Variants in NODAL observed in about 807,000 individuals in gnomAD.
The protein encoded by NODAL is nodal homolog.
Under a neutral mutation model 34.0 loss-of-function variants are expected in NODAL, and 12 were observed. The ratio of observed to expected loss-of-function variants is 0.35; its 90% confidence interval spans 0.23 to 0.57. NODAL has a LOEUF of 0.57. NODAL is among the 20% of genes least tolerant of loss of function. The pLI is 0.83. For missense variants in NODAL, 390 were observed against 444.2 expected, an observed-to-expected ratio of 0.88 and a Z score of 1.10; for synonymous variants, 162 against 186.4, an observed-to-expected ratio of 0.87 and a Z score of 1.07.
At chr10:70,444,041 T>C (rs1845462186), upstream of NODAL, among the ~76,000 whole-genome samples, 2 of 151,326 alleles carry the variant, frequency 1.3e-5, no homozygotes, top group African/African-American at 4.9e-5. Context: ...CAAGCAATTC[T>C]TCTGCTTCAG....
chr10:70,445,588 T>C (rs1845481263), upstream of NODAL, among the ~76,000 whole-genome samples: 1 of 152,174 alleles, frequency 6.6e-6, no homozygotes. Flanking sequence ...AAATGAATAA[T>C]AATAACCATA....
upstream of NODAL, among the ~76,000 whole-genome samples, chr10:70,441,838 C>A (rs906495518): frequency 6.6e-6 from 1 of 152,168 alleles, no homozygotes; most frequent in Admixed American, 6.5e-5. Flanking sequence ...AGACCTGAGC[C>A]TGGTGCGGAG....
At chr10:70,443,395 G>T (rs895855592), upstream of NODAL, among the ~76,000 whole-genome samples, 1 of 152,132 alleles carries the variant, frequency 6.6e-6, no homozygotes, top group Non-Finnish European at 1.5e-5. Context: ...TCTGTGTTAA[G>T]TAAATAATTC....
Position 70,435,758 on chromosome 10 carries a change from G to A in NODAL, c.419C>T (p.Thr140Ile), listed in dbSNP as rs2132215381. The A allele has an allele frequency of 6.2e-7, 1 of 1,614,196 alleles. No homozygotes were observed. The highest frequency in any genetic ancestry group is 1.6e-4 in the Middle Eastern group (1 of 6,062). ...CAAGGAAAAGGTGACCTGGGACAAA[G>A]TGACAGTGAATAGGTCCATCTGAAA... Reference protein sequence around the residue: ...ERFQMDLFTVTLSQVTFSLGS... With the variant: ...ERFQMDLFTVILSQVTFSLGS... Residue 140 changes from threonine (T) to isoleucine (I), a missense_variant, in exon 2 of 3, where the codon ACT becomes ATT. By Grantham distance (89) the Thr-to-Ile change is moderately conservative. Transcript: ENST00000287139.
intron 1 of NODAL, among the ~76,000 whole-genome samples, chr10:70,439,297 C>T (rs1008421490): frequency 2.0e-5 from 3 of 152,182 alleles, no homozygotes; most frequent in Non-Finnish European, 4.4e-5. Context: ...CCACTGTGCC[C>T]GGCCCCACCT....
rs769824580 is a variant in NODAL, at chr10:70,433,026, G to A, written c.954C>T (p.Thr318=). 6.8e-6 allele frequency: 11 copies of A among 1,613,954 alleles called. No homozygotes were observed. Among genetic ancestry groups the A allele is most frequent in the Non-Finnish European group, 7.6e-6 (9 of 1,180,016 alleles). The change falls in exon 3 of 3, where the codon ACC becomes ACT. Residue 318 remains threonine (T), a synonymous_variant. Coordinates refer to ENST00000287139, the MANE Select transcript of NODAL (RefSeq NM_018055.5). Reference sequence around the variant, plus strand: ...CCACATACAGCATGCTCAGCGGCTTGGTCTTCACTGGGGCACAACAAGTGG... The same window carrying A: ...CCACATACAGCATGCTCAGCGGCTTAGTCTTCACTGGGGCACAACAAGTGG... ...VPSTCCAPVK[T]KPLSMLYVDN... is the part of the protein sequence containing the mutation.
rs1386462321 is a variant in NODAL, at chr10:70,441,523, G to A, written c.145C>T (p.Arg49Cys). The A allele has an allele frequency of 1.3e-6, 2 of 1,595,234 alleles. No individual in the cohort carries two copies. The highest frequency in any genetic ancestry group is 1.7e-6 in the Non-Finnish European group (2 of 1,172,400). ...ATGTCTGCCCTCGGCAGCGGGTCGC[G>A]GTAGAGGCTCAGCATGTACGCCAGA... is the stretch of plus-strand genomic sequence containing the variant. ...SPLAYMLSLY[R>C]DPLPRADIIR... is the part of the protein sequence containing the mutation. Residue 49 changes from arginine (R) to cysteine (C), a missense_variant, in exon 1 of 3, where the codon CGC becomes TGC. By Grantham distance (180) the Arg-to-Cys change is radical (BLOSUM62 -3). Transcript: ENST00000287139.
At chr10:70,443,268 C>A (rs1056872218), upstream of NODAL, among the ~76,000 whole-genome samples, 1 of 152,178 alleles carries the variant, frequency 6.6e-6, no homozygotes, top group African/African-American at 2.4e-5. Flanking sequence ...ATTCAGGAGA[C>A]CTGGGCTGTC....
At chr10:70,438,712 C>T (rs1845386701) in intron 1 of NODAL, among the ~76,000 whole-genome samples, 1 of 152,206 alleles carries the variant, frequency 6.6e-6, no homozygotes, top group Admixed American at 6.5e-5. Context: ...GAGGCTGCTC[C>T]TTCCTGCTGA....
chr10:70,446,824 T>A (rs1218536106), intron 1 of NODAL, among the ~76,000 whole-genome samples: 1 of 152,106 alleles, frequency 6.6e-6, no homozygotes, highest in Non-Finnish European at 1.5e-5. Context: ...ATCATATCCC[T>A]CTGTGCCTAG....
At chr10:70,436,054 C>T in intron 1 of NODAL, 71 bp from the exon 2 acceptor site, 1 of 1,280,996 alleles carries the variant, frequency 7.8e-7, no homozygotes, top group South Asian at 1.2e-5. Context: ...AGTGTCACAA[C>T]CACCATAGCT....
At chr10:70,447,256 T>C (rs1335371418) in intron 1 of NODAL, among the ~76,000 whole-genome samples, 1 of 152,050 alleles carries the variant, frequency 6.6e-6, no homozygotes, top group Non-Finnish European at 1.5e-5. Context: ...GTATTTTTAG[T>C]AGAGATGGGG....
chr10:70,432,738 A>C lies in NODAL; in HGVS notation c.*198T>G. Reference sequence around the variant, plus strand: ...ACAGGCTTCTTCCTCCCTCTTCCTGACAGCAGCCTCTGTGCTTGGCCAGAC... The same window carrying C: ...ACAGGCTTCTTCCTCCCTCTTCCTGCCAGCAGCCTCTGTGCTTGGCCAGAC... On this transcript the variant is annotated 3_prime_UTR_variant, in exon 3 of 3. Coordinates refer to ENST00000287139, the MANE Select transcript of NODAL (RefSeq NM_018055.5). The C allele has an allele frequency of 1.6e-6, 1 of 637,322 alleles. No homozygotes were observed. The highest frequency in any genetic ancestry group is 2.8e-6 in the Non-Finnish European group (1 of 356,502). 39.5% of individuals were successfully genotyped at this position (637,322 alleles called of 1,614,324 possible). A position where few individuals can be genotyped will look rare whatever the true frequency, so the allele number is the denominator to read the frequency against.
At chr10:70,436,483 G>A (rs1400563384) in intron 1 of NODAL, 4 of 214,182 alleles carry the variant, frequency 1.9e-5, no homozygotes, top group Non-Finnish European at 3.8e-5. Flanking sequence ...ATTTGAACCC[G>A]GGAGGCAGAG....
At chr10:70,446,887 C>T (rs1249902084) in intron 1 of NODAL, among the ~76,000 whole-genome samples, 2 of 152,068 alleles carry the variant, frequency 1.3e-5, no homozygotes, top group African/African-American at 4.8e-5. Flanking sequence ...GATTGAACCC[C>T]ATATTCCCAA....
chr10:70,445,791 A>G (rs1845482827), upstream of NODAL, among the ~76,000 whole-genome samples: 1 of 152,174 alleles, frequency 6.6e-6, no homozygotes, highest in Admixed American at 6.5e-5. Context: ...TTGCTTCCCC[A>G]TAGAAGAGGA....
upstream of NODAL, among the ~76,000 whole-genome samples, chr10:70,444,490 T>G (rs11817567): frequency 0.26 from 39,272 of 151,986 alleles, 5,395 homozygotes; most frequent in African/African-American, 0.29. Flanking sequence ...TACAGGCACA[T>G]GCCACCACGC....
chr10:70,446,893 C>T (rs958221975), intron 1 of NODAL, among the ~76,000 whole-genome samples: 1 of 152,052 alleles, frequency 6.6e-6, no homozygotes, highest in Non-Finnish European at 1.5e-5. Flanking sequence ...ACCCCATATT[C>T]CCAAAGCAGG....
At chr10:70,444,970 G>C (rs1368612744), upstream of NODAL, among the ~76,000 whole-genome samples, 1 of 152,052 alleles carries the variant, frequency 6.6e-6, no homozygotes, top group East Asian at 1.9e-4. Flanking sequence ...ACAATGACAG[G>C]TTGTGGTTTG....
Sources: gnomAD v4.1 joint callset for allele counts (sites outside exome capture counted in the v4.1 genomes callset) on GRCh38, gnomAD v4.1.1 for gene constraint, MANE v1.5 for transcripts, NCBI Gene and HGNC (gene_info 2026-07-23, HGNC 2026-07-21) for gene names.